ANKS3: variants seen among roughly 807,000 people sequenced by gnomAD.
The protein encoded by ANKS3 is ankyrin repeat and SAM domain-containing protein 3.
In ANKS3, 62 loss-of-function variants were observed where a neutral mutation model predicts 80.7. The observed-to-expected ratio is 0.77, with a 90% CI of 0.63 to 0.95. The LOEUF (loss-of-function observed/expected upper bound fraction) is 0.95. Ranked by LOEUF, ANKS3 falls within the 40% of genes least tolerant of loss-of-function variation. ANKS3 has a pLI of 0.00. For missense variants in ANKS3, 1,150 were observed against 883.6 expected, an observed-to-expected ratio of 1.30 and a Z score of -3.82; for synonymous variants, 489 against 355.3, an observed-to-expected ratio of 1.38 and a Z score of -4.23.
intron 6 of ANKS3, among the ~76,000 whole-genome samples, chr16:4,718,113 G>T (rs1274671224): frequency 6.8e-6 from 1 of 147,726 alleles, no homozygotes; most frequent in Non-Finnish European, 1.5e-5. Flanking sequence ...TAGAGACAAG[G>T]TCTCACTGTA....
At position 4,697,056 on chromosome 16, in the gene ANKS3, A is replaced by G; in HGVS notation, c.1943T>C (p.Leu648Pro). 1 of 1,613,846 alleles carries G rather than the reference A, an allele frequency of 6.2e-7. No individual in the cohort carries two copies. The highest frequency in any genetic ancestry group is 8.5e-7 in the Non-Finnish European group (1 of 1,179,982). ...VTQSLEKLQV[L>P]NGKKWRET ...GGTCTCCCGCCACTTCTTCCCGTTC[A>G]GCACCTGCAGCTTCTCCAGGCTCTG... Residue 648 changes from leucine (L) to proline (P), a missense_variant, in exon 17 of 18, where the codon CTG becomes CCG. Leu to Pro is a moderately conservative substitution (Grantham distance 98). Coordinates refer to ENST00000304283, the MANE Select transcript of ANKS3 (RefSeq NM_133450.4).
intron 7 of ANKS3, among the ~76,000 whole-genome samples, chr16:4,708,716 C>T (rs1313357492): frequency 2.0e-5 from 3 of 151,904 alleles, no homozygotes; most frequent in Non-Finnish European, 4.4e-5. Flanking sequence ...GGGCAGATCA[C>T]GAGGTGAGGA....
At position 4,705,130 on chromosome 16, in the gene ANKS3, A is replaced by G. The variant is rs780055714; in HGVS notation, c.833T>C (p.Ile278Thr). 9.9e-6 allele frequency: 16 copies of G among 1,613,204 alleles called. No individual in the cohort carries two copies. In the Admixed American group the frequency reaches 2.7e-4, roughly 27 times the overall value. The change falls in exon 8 of 18, where the codon ATT (isoleucine) becomes ACT (threonine). Residue 278 changes from isoleucine to threonine, a missense_variant. Coordinates refer to ENST00000304283, the MANE Select transcript of ANKS3 (RefSeq NM_133450.4). Reference protein sequence around the residue: ...GPRALARITGIGLGGRAPRPR... With the variant: ...GPRALARITGTGLGGRAPRPR... ...CCGTGGGGCTCTGCCGCCCAGGCCA[A>G]TGCCTGTGATCCTGGCCAGGGCTCG...
chr16:4,733,072 G>GT (rs1201279435), intron 1 of ANKS3, among the ~76,000 whole-genome samples: 1 of 151,846 alleles, frequency 6.6e-6, no homozygotes, highest in Admixed American at 6.6e-5. Flanking sequence ...TACTTCTAGT[G>GT]TAACCAAGGC....
intron 2 of ANKS3, 169 bp from the exon 3 acceptor site, chr16:4,730,320 G>A: frequency 5.3e-6 from 3 of 563,074 alleles, no homozygotes; most frequent in Non-Finnish European, 5.5e-6. Flanking sequence ...TGTATGCTTT[G>A]GGCAGTCCCA....
chr16:4,703,358 T>G (rs866314029), intron 8 of ANKS3, among the ~76,000 whole-genome samples: 2 of 152,074 alleles, frequency 1.3e-5, no homozygotes, highest in Non-Finnish European at 1.5e-5. Context: ...CAAGCAATCT[T>G]CCTACCTCAG....
At chr16:4,723,060 A>T (rs2142135089) in intron 6 of ANKS3, among the ~76,000 whole-genome samples, 1 of 152,328 alleles carries the variant, frequency 6.6e-6, no homozygotes, top group South Asian at 2.1e-4. Flanking sequence ...GAGAAAATGG[A>T]CACCTTTGTC....
intron 7 of ANKS3, among the ~76,000 whole-genome samples, chr16:4,709,137 C>T (rs971125933): frequency 7.9e-5 from 12 of 151,110 alleles, no homozygotes; most frequent in Admixed American, 5.3e-4. Flanking sequence ...CCGGGTGCAG[C>T]GGTTCATGCC....
At chr16:4,700,929 C>A in intron 11 of ANKS3, 41 bp downstream of exon 11, 13 of 1,611,944 alleles carry the variant, frequency 8.1e-6, no homozygotes, top group Non-Finnish European at 1.0e-5. Flanking sequence ...ACAAAAAGTG[C>A]CGTCTCTGAG....
chr16:4,716,459 G>A (rs1376108561), intron 6 of ANKS3, among the ~76,000 whole-genome samples: 3 of 151,618 alleles, frequency 2.0e-5, no homozygotes, highest in African/African-American at 7.3e-5. Context: ...CCTCAACCTT[G>A]ACCCCCATAT....
intron 11 of ANKS3, chr16:4,700,400 G>C (rs1429471147): frequency 5.1e-6 from 1 of 197,472 alleles, no homozygotes; most frequent in South Asian, 8.2e-5. Flanking sequence ...CCAGATGACA[G>C]TGCGAGACTC....
At chr16:4,711,862 C>G (rs192118417) in intron 7 of ANKS3, among the ~76,000 whole-genome samples, 14 of 152,142 alleles carry the variant, frequency 9.2e-5, no homozygotes, top group Admixed American at 5.2e-4. Context: ...GGAGGCCAAT[C>G]TCTATAGAAG....
In ANKS3 at chr16:4,701,106, G is replaced by C; in HGVS notation, c.1148C>G (p.Ala383Gly). ...CATGTAACTTTTAGCTTGTTTGCGA[G>C]CTGAGCTTTTACAGGCATGATCCGA... ...EDSDHACKSS[A>G]RKQAKSYMKT... Residue 383 changes from alanine to glycine, a missense_variant, in exon 11 of 18, where the codon GCT becomes GGT. Transcript: ENST00000304283. 2 of 1,614,020 alleles carry C rather than the reference G, an allele frequency of 1.2e-6. No individual in the cohort carries two copies. Among genetic ancestry groups the C allele is most frequent in the Non-Finnish European group, 1.7e-6 (2 of 1,180,036 alleles).
At chr16:4,724,260 T>C (rs2081246885) in intron 6 of ANKS3, among the ~76,000 whole-genome samples, 3 of 151,588 alleles carry the variant, frequency 2.0e-5, no homozygotes, top group Middle Eastern at 3.2e-3. Flanking sequence ...ATAAGATGTC[T>C]ATAAGATGTC....
rs571354196 is a variant in ANKS3 at position 4,707,840 on chromosome 16, G to A, written c.710-2587C>T. Among the ~76,000 whole-genome samples, 392 of 152,270 alleles carry A rather than the reference G, an allele frequency of 2.6e-3. 3 individuals carry two copies. Among genetic ancestry groups the A allele is most frequent in the African/African-American group, 9.1e-3 (379 of 41,564 alleles). ...AAAATATTGATCAGGGCCGGGCGCG[G>A]TGGCTCACGCCTGTAATCCCAGCAC... On this transcript the variant is annotated intron_variant, in intron 7 of 17. Transcript: ENST00000304283.
At chr16:4,733,868 G>A in intron 1 of ANKS3, 70 bp downstream of exon 1, 1 of 967,120 alleles carries the variant, frequency 1.0e-6, no homozygotes, top group Non-Finnish European at 1.2e-6. Flanking sequence ...CTCTCGCCCC[G>A]TGGAACCGCA....
chr16:4,730,204 A>G, intron 2 of ANKS3, 53 bp from the exon 3 acceptor site: 1 of 1,430,654 alleles, frequency 7.0e-7, no homozygotes, highest in Non-Finnish European at 9.2e-7. Context: ...GTTCCAGGGC[A>G]TGAAACAGGC....
rs1206723434 is a variant in ANKS3, at chr16:4,702,261, C to T, written c.869-19G>A. The T allele has an allele frequency of 1.3e-6, 2 of 1,496,372 alleles. No individual in the cohort carries two copies. The highest frequency in any genetic ancestry group is 1.5e-5 in the African/African-American group (1 of 68,926). 92.7% of individuals were successfully genotyped at this position (1,496,372 alleles called of 1,614,324 possible). A position where few individuals can be genotyped will look rare whatever the true frequency, so the allele number is the denominator to read the frequency against. On this transcript the variant is annotated intron_variant, in intron 8 of 17. Transcript: ENST00000304283. The stretch of plus-strand genomic sequence containing the variant: ...GCCTGCTCTGTGTACAGAATGGGGC[C>T]CATAAGCCCAGGGAACTCCAAAGTG...
At chr16:4,721,296 C>A (rs894459857) in intron 6 of ANKS3, among the ~76,000 whole-genome samples, 1 of 143,996 alleles carries the variant, frequency 6.9e-6, no homozygotes, top group Non-Finnish European at 1.5e-5. Flanking sequence ...CAGAGCAAGA[C>A]GCCATCTCAA....
Sources: gnomAD v4.1 joint callset for allele counts (sites outside exome capture counted in the v4.1 genomes callset) on GRCh38, gnomAD v4.1.1 for gene constraint, MANE v1.5 for transcripts, NCBI Gene and HGNC (gene_info 2026-07-23, HGNC 2026-07-21) for gene names.